Variants in SPMAP2L observed in about 807,000 individuals in gnomAD.
The protein encoded by SPMAP2L is sperm microtubule associated protein 2-like.
chr4:56,568,593 G>A, the SPMAP2L span, among the ~76,000 whole-genome samples: 2 of 152,180 alleles, frequency 1.3e-5, no homozygotes, highest in African/African-American at 4.8e-5. Context: ...TTGGGACGCT[G>A]AAGTGGGAGG....
At chr4:56,606,285 CCTT>C in the SPMAP2L span, among the ~76,000 whole-genome samples, 2 of 152,174 alleles carry the variant, frequency 1.3e-5, no homozygotes, top group African/African-American at 2.4e-5. Context: ...CATTCTTCCT[CCTT>C]CTGATAAGAA....
the SPMAP2L span, among the ~76,000 whole-genome samples, chr4:56,556,823 C>T: frequency 2.0e-5 from 3 of 151,390 alleles, no homozygotes; most frequent in East Asian, 5.9e-4. Flanking sequence ...TGCAGTGAGC[C>T]GAGATTGTGC....
chr4:56,539,291 T>C, the SPMAP2L span, among the ~76,000 whole-genome samples: 51 of 152,352 alleles, frequency 3.3e-4, 1 homozygote, highest in Admixed American at 3.1e-3. Context: ...ATTTCTGTGG[T>C]TGGGGAGGCT....
chr4:56,554,942 T>C, the SPMAP2L span, among the ~76,000 whole-genome samples: 1 of 148,946 alleles, frequency 6.7e-6, no homozygotes, highest in African/African-American at 2.5e-5. Flanking sequence ...CATTTCTTTT[T>C]TTTTTTTTTT....
At chr4:56,581,945 G>A in the SPMAP2L span, among the ~76,000 whole-genome samples, 1 of 152,082 alleles carries the variant, frequency 6.6e-6, no homozygotes, top group East Asian at 1.9e-4. Flanking sequence ...TCAACAAATG[G>A]TGCTGTGATA....
the SPMAP2L span, among the ~76,000 whole-genome samples, chr4:56,612,029 A>G: frequency 2.6e-5 from 4 of 152,066 alleles, no homozygotes; most frequent in Non-Finnish European, 5.9e-5. Context: ...GCGTGCTCCC[A>G]TTTGGGTGGT....
At chr4:56,539,368 AC>A in the SPMAP2L span, among the ~76,000 whole-genome samples, 1 of 152,206 alleles carries the variant, frequency 6.6e-6, no homozygotes, top group African/African-American at 2.4e-5. Context: ...ATCCTACAGG[AC>A]AAGCACTTCA....
chr4:56,620,669 G>A, the SPMAP2L span, among the ~76,000 whole-genome samples: 1 of 152,232 alleles, frequency 6.6e-6, no homozygotes, highest in Non-Finnish European at 1.5e-5. Flanking sequence ...ACAGGCGTGA[G>A]CCACCGCGCC....
At chr4:56,624,814 C>A in the SPMAP2L span, among the ~76,000 whole-genome samples, 1 of 152,174 alleles carries the variant, frequency 6.6e-6, no homozygotes, top group Non-Finnish European at 1.5e-5. Flanking sequence ...CAGGGCGGGG[C>A]CCTCATGGAG....
the SPMAP2L span, among the ~76,000 whole-genome samples, chr4:56,623,566 T>G: frequency 6.6e-6 from 1 of 152,218 alleles, no homozygotes; most frequent in African/African-American, 2.4e-5. Context: ...AATCTCAACT[T>G]GAATTCTCCC....
At chr4:56,551,516 G>A in the SPMAP2L span, among the ~76,000 whole-genome samples, 4 of 152,042 alleles carry the variant, frequency 2.6e-5, no homozygotes, top group Admixed American at 2.0e-4. Context: ...GGGGTGTCAG[G>A]GATTCAAACT....
chr4:56,559,568 T>A, the SPMAP2L span: 2 of 1,429,978 alleles, frequency 1.4e-6, no homozygotes, highest in Non-Finnish European at 9.1e-7. Flanking sequence ...GGTTTTTTGT[T>A]GTTGTTTTTT....
At chr4:56,590,322 G>A in the SPMAP2L span, among the ~76,000 whole-genome samples, 1 of 152,180 alleles carries the variant, frequency 6.6e-6, no homozygotes, top group Admixed American at 6.5e-5. Flanking sequence ...ACTTGCATGT[G>A]TTAAACCATT....
chr4:56,539,849 A>G, the SPMAP2L span, among the ~76,000 whole-genome samples: 1 of 152,204 alleles, frequency 6.6e-6, no homozygotes, highest in Non-Finnish European at 1.5e-5. Flanking sequence ...TACCAGCCAC[A>G]TCACACTGAT....
At chr4:56,618,674 C>T in the SPMAP2L span, among the ~76,000 whole-genome samples, 1 of 152,158 alleles carries the variant, frequency 6.6e-6, no homozygotes, top group Non-Finnish European at 1.5e-5. Flanking sequence ...TCCCTCCCAC[C>T]ACACAGGGGG....
the SPMAP2L span, among the ~76,000 whole-genome samples, chr4:56,569,664 G>T: frequency 6.6e-6 from 1 of 152,064 alleles, no homozygotes; most frequent in Non-Finnish European, 1.5e-5. Context: ...ACAATTAGCT[G>T]GGTATGGTGG....
chr4:56,592,355 CT>C, the SPMAP2L span, among the ~76,000 whole-genome samples: 1 of 152,202 alleles, frequency 6.6e-6, no homozygotes, highest in Non-Finnish European at 1.5e-5. Context: ...AGCCTGGCCT[CT>C]TGGCTGAGTT....
At chr4:56,546,993 C>T in the SPMAP2L span, among the ~76,000 whole-genome samples, 2 of 152,114 alleles carry the variant, frequency 1.3e-5, no homozygotes, top group African/African-American at 4.8e-5. Context: ...GGAGTGTAAA[C>T]TTTTTGAGAA....
chr4:56,600,093 C>CTTTTT, the SPMAP2L span, among the ~76,000 whole-genome samples: 2 of 93,860 alleles, frequency 2.1e-5, no homozygotes, highest in African/African-American at 4.7e-5. Flanking sequence ...TTTTTCTTTG[C>CTTTTT]TTTCTTTTTT....
Sources: gnomAD v4.1 joint callset for allele counts (sites outside exome capture counted in the v4.1 genomes callset) on GRCh38, gnomAD v4.1.1 for gene constraint, MANE v1.5 for transcripts, NCBI Gene and HGNC (gene_info 2026-07-23, HGNC 2026-07-21) for gene names.